Variants in DAB1 observed in about 807,000 individuals in gnomAD.
DAB1 encodes DAB adaptor protein 1, also known as disabled homolog 1.
DAB1 carries 15 observed loss-of-function variants against 64.6 expected under a neutral mutation model. The ratio of observed to expected loss-of-function variants is 0.23; its 90% CI spans 0.16 to 0.36. DAB1 has a LOEUF of 0.36. Ranked by LOEUF, DAB1 falls within the 10% of genes least tolerant of loss-of-function variation. The pLI is 1.00. For synonymous variants in DAB1, 235 were observed against 251.9 expected (o/e 0.93, Z 0.64); for missense variants, 596 against 706.7 (o/e 0.84, Z 1.78).
chr1:57,185,162 G>A (rs148486391), intron 2 of DAB1, among the ~76,000 whole-genome samples: 4,177 of 152,132 alleles, frequency 0.027, 83 homozygotes, highest in Non-Finnish European at 0.045. Flanking sequence ...CCCTGAGATG[G>A]CATTTCTTCA....
In DAB1 at chr1:58,198,578, G is replaced by A. The variant is rs567386051; in HGVS notation, n.310-47990C>T. On this transcript the variant is annotated intron_variant and non_coding_transcript_variant, in intron 4 of 20. Coordinates refer to the DAB1 transcript ENST00000485760. ...TGGTACATCAGTACATTTTCCTCTCGTAACCAACCTCTTCTATATTCTCAG... is the reference window on the plus strand; with the variant it reads ...TGGTACATCAGTACATTTTCCTCTCATAACCAACCTCTTCTATATTCTCAG... Among the ~76,000 whole-genome samples the A allele has an allele frequency of 1.4e-4, 22 of 152,192 alleles. 1 individual carries two copies. The South Asian group carries it at 3.3e-3, about 23-fold the overall frequency.
chr1:57,230,124 T>C (rs1476523603), intron 2 of DAB1, among the ~76,000 whole-genome samples: 2 of 152,232 alleles, frequency 1.3e-5, no homozygotes, highest in Non-Finnish European at 2.9e-5. Context: ...TTCTTGTGAT[T>C]ACAGATGATT....
At chr1:57,171,119 C>T (rs533409569) in intron 2 of DAB1, among the ~76,000 whole-genome samples, 1 of 152,110 alleles carries the variant, frequency 6.6e-6, no homozygotes, top group Non-Finnish European at 1.5e-5. Context: ...AATTTCTTTA[C>T]AATAAAGCTG....
At chr1:58,456,894 C>T (rs1034534308) in intron 3 of DAB1, among the ~76,000 whole-genome samples, 4 of 152,104 alleles carry the variant, frequency 2.6e-5, no homozygotes, top group African/African-American at 9.7e-5. Context: ...AATATGCATG[C>T]AGGGTTGAGA....
intron 3 of DAB1, among the ~76,000 whole-genome samples, chr1:58,455,399 C>T (rs566546386): frequency 1.3e-5 from 2 of 152,332 alleles, no homozygotes; most frequent in South Asian, 2.1e-4. Flanking sequence ...AGGCCCACCC[C>T]GCGGACAGGC....
intron 6 of DAB1, among the ~76,000 whole-genome samples, chr1:57,807,244 A>T (rs12140411): frequency 6.6e-6 from 1 of 152,008 alleles, no homozygotes; most frequent in Non-Finnish European, 1.5e-5. Context: ...GCCCCTGTAG[A>T]CCTTATTTCC....
chr1:58,446,984 G>A (rs1645074772), intron 3 of DAB1, among the ~76,000 whole-genome samples: 1 of 152,144 alleles, frequency 6.6e-6, no homozygotes, highest in South Asian at 2.1e-4. Flanking sequence ...TGATCCTCAT[G>A]GTCCCTACTG....
intron 4 of DAB1, among the ~76,000 whole-genome samples, chr1:58,249,981 C>T (rs1386383770): frequency 1.3e-5 from 2 of 152,210 alleles, no homozygotes; most frequent in African/African-American, 4.8e-5. Context: ...CCACAGCCGC[C>T]GCGGCAGCCG....
chr1:57,328,899 TTC>T (rs1676408709), intron 1 of DAB1, among the ~76,000 whole-genome samples: 2 of 152,224 alleles, frequency 1.3e-5, no homozygotes, highest in Admixed American at 1.3e-4. Flanking sequence ...ATTAGATAAA[TTC>T]TGTCTATTAT....
At chr1:57,839,632 A>G (rs1026741249) in intron 1 of DAB1, among the ~76,000 whole-genome samples, 1 of 152,238 alleles carries the variant, frequency 6.6e-6, no homozygotes, top group African/African-American at 2.4e-5. Flanking sequence ...AGTCAGGCAT[A>G]AAATTGTACC....
At position 57,271,377 on chromosome 1, in the gene DAB1, A is replaced by T. The variant is rs149599351; in HGVS notation, c.67+19587T>A. ...GTTTACTGTATTTTGAAGGAAAAAC[A>T]ACTGGTTTTGGCAGGATGACTGCTT... On this transcript the variant is annotated intron_variant, in intron 2 of 14. Transcript: ENST00000371236. Among the ~76,000 whole-genome samples the T allele has an allele frequency of 1.1e-3, 167 of 152,328 alleles. 2 individuals are homozygous for T. The East Asian group carries it at 0.029, about 27-fold the overall frequency.
chr1:58,169,678 C>T (rs911619367), intron 4 of DAB1, among the ~76,000 whole-genome samples: 13 of 152,114 alleles, frequency 8.5e-5, no homozygotes, highest in African/African-American at 3.1e-4. Flanking sequence ...CAATTTACAC[C>T]CCACAGGAGG....
chr1:57,793,661 G>T (rs1227323386), intron 6 of DAB1, among the ~76,000 whole-genome samples: 3 of 152,134 alleles, frequency 2.0e-5, no homozygotes, highest in Admixed American at 6.5e-5. Flanking sequence ...TTAAGTTCTG[G>T]TTTGTCTACT....
intron 7 of DAB1, among the ~76,000 whole-genome samples, chr1:57,511,203 C>T (rs896789812): frequency 1.3e-5 from 2 of 152,142 alleles, no homozygotes; most frequent in African/African-American, 4.8e-5. Context: ...AATTGTGCCC[C>T]TTCCATGCAT....
At chr1:58,493,201 T>C (rs1389329057) in intron 3 of DAB1, among the ~76,000 whole-genome samples, 2 of 151,878 alleles carry the variant, frequency 1.3e-5, no homozygotes, top group African/African-American at 4.8e-5. Context: ...AAAAGGCCTT[T>C]GACAAAATTC....
chr1:57,803,985 T>C (rs1651247751), intron 6 of DAB1, among the ~76,000 whole-genome samples: 1 of 152,234 alleles, frequency 6.6e-6, no homozygotes, highest in Non-Finnish European at 1.5e-5. Context: ...TGTTGTTCTA[T>C]GTTTCAGCTG....
intron 5 of DAB1, among the ~76,000 whole-genome samples, chr1:57,954,138 G>A (rs959819409): frequency 2.6e-5 from 4 of 152,050 alleles, no homozygotes; most frequent in South Asian, 2.1e-4. Context: ...CTAAAAGTTC[G>A]GATGTATTGG....
intron 5 of DAB1, among the ~76,000 whole-genome samples, chr1:58,089,384 T>C (rs1255333459): frequency 6.6e-6 from 1 of 152,268 alleles, no homozygotes; most frequent in Non-Finnish European, 1.5e-5. Context: ...TTTCTGCCAC[T>C]GTTGTTATTA....
chr1:57,125,235 TA>T (rs1657030099), intron 4 of DAB1, among the ~76,000 whole-genome samples: 1 of 152,160 alleles, frequency 6.6e-6, no homozygotes, highest in Non-Finnish European at 1.5e-5. Flanking sequence ...GCAGACCCCA[TA>T]GGTCCCTGAA....
Sources: gnomAD v4.1 joint callset for allele counts (sites outside exome capture counted in the v4.1 genomes callset) on GRCh38, gnomAD v4.1.1 for gene constraint, MANE v1.5 for transcripts, NCBI Gene and HGNC (gene_info 2026-07-23, HGNC 2026-07-21) for gene names.